Variants in HMCN2 observed in about 807,000 individuals in gnomAD.
HMCN2 encodes the protein hemicentin-2.
Under a neutral mutation model 377.5 loss-of-function variants are expected in HMCN2, and 325 were observed. That is an observed-to-expected ratio of 0.86 (90% confidence interval 0.79 to 0.94). The LOEUF is 0.94. Among genes scored for constraint, HMCN2 ranks in the 40% least tolerant of loss-of-function variants. HMCN2 has a pLI of 0.00. For synonymous variants in HMCN2, 2,007 were observed against 2,046.8 expected (o/e 0.98, Z 0.53); for missense variants, 4,543 against 4,725.3 (o/e 0.96, Z 1.13).
chr9:130,373,277 A>G (rs986629325), intron 48 of HMCN2, among the ~76,000 whole-genome samples, 153 bp downstream of exon 48: 17 of 152,058 alleles, frequency 1.1e-4, no homozygotes, highest in African/African-American at 3.6e-4. Flanking sequence ...GTCCCAGCTC[A>G]TCTTTGCATG....
Position 130,310,332 on chromosome 9 carries a change from C to T in HMCN2, c.2350+271C>T, listed in dbSNP as rs545983026. On this transcript the variant is annotated intron_variant, in intron 15 of 97. Transcript: ENST00000683500. ...ATCAAGAATCTGAAAGTGGCTTGGC[C>T]GGGTGATTCTGGCTCAGGGTCCATC... is the stretch of plus-strand genomic sequence containing the variant. 7.2e-5 allele frequency among the ~76,000 whole-genome samples: 11 copies of T among 152,302 alleles called. No homozygotes were observed. In the East Asian group the frequency reaches 1.5e-3, roughly 21 times the overall value.
At chr9:130,424,538 G>A (rs1421003078) in intron 87 of HMCN2, among the ~76,000 whole-genome samples, 3 of 152,088 alleles carry the variant, frequency 2.0e-5, no homozygotes, top group African/African-American at 7.2e-5. Context: ...ATGTCGCCTA[G>A]CATTTCCTTG....
At chr9:130,373,164 G>T in intron 48 of HMCN2, 40 bp downstream of exon 48, 1 of 810,428 alleles carries the variant, frequency 1.2e-6, no homozygotes, top group Non-Finnish European at 1.5e-6. Flanking sequence ...AGAAGGGGCG[G>T]GAAGGCACCT....
chr9:130,411,222 A>C (rs1385773234), intron 85 of HMCN2, among the ~76,000 whole-genome samples: 4 of 151,836 alleles, frequency 2.6e-5, no homozygotes, highest in African/African-American at 7.3e-5. Context: ...TTAAAAAAAA[A>C]AACAACAAAC....
intron 25 of HMCN2, among the ~76,000 whole-genome samples, chr9:130,342,922 C>T (rs1481518861): frequency 6.6e-6 from 1 of 152,158 alleles, no homozygotes; most frequent in Non-Finnish European, 1.5e-5. Context: ...CGATAGCCAC[C>T]ATGGGTCAGC....
chr9:130,402,467 A>G (rs192327371), intron 77 of HMCN2, among the ~76,000 whole-genome samples: 1 of 152,240 alleles, frequency 6.6e-6, no homozygotes, highest in African/African-American at 2.4e-5. Context: ...TGAGTGGGGG[A>G]TTACAGGCAG....
At chr9:130,310,267 G>T (rs782775389) in intron 15 of HMCN2, among the ~76,000 whole-genome samples, 1 of 152,238 alleles carries the variant, frequency 6.6e-6, no homozygotes, top group Non-Finnish European at 1.5e-5. Context: ...CCCCCAAATT[G>T]TGTGGCTTAA....
At chr9:130,420,713 T>C (rs1255342215) in intron 86 of HMCN2, among the ~76,000 whole-genome samples, 1 of 152,108 alleles carries the variant, frequency 6.6e-6, no homozygotes, top group African/African-American at 2.4e-5. Flanking sequence ...CCTGTGTGTG[T>C]CTACACTTCC....
At chr9:130,332,551 G>C (rs1334661889) in intron 22 of HMCN2, among the ~76,000 whole-genome samples, 1 of 152,160 alleles carries the variant, frequency 6.6e-6, no homozygotes, top group African/African-American at 2.4e-5. Context: ...ATCCTCGTTA[G>C]CAGCACCAGC....
In HMCN2 at chr9:130,362,765, C is replaced by T. The variant is rs184510684; in HGVS notation, c.6109-102C>T. On this transcript the variant is annotated intron_variant, in intron 39 of 97. Coordinates refer to ENST00000683500, the MANE Select transcript of HMCN2 (RefSeq NM_001291815.2). ...CTGAGTCTGGGGCAGGCTGTCCAGG[C>T]GTGCTCGGCAGCAAGGCCGGCTTGG... 445 of 892,276 alleles carry T rather than the reference C, an allele frequency of 5.0e-4. 5 individuals are homozygous for T. The African/African-American group carries it at 7.1e-3, about 14-fold the overall frequency. The allele number at this position is 892,276 out of a possible 1,614,324, so 55.3% of individuals were successfully genotyped here.
At chr9:130,322,816 C>T (rs1165055598) in intron 19 of HMCN2, among the ~76,000 whole-genome samples, 1 of 152,172 alleles carries the variant, frequency 6.6e-6, no homozygotes, top group East Asian at 1.9e-4. Context: ...AACCACTGTG[C>T]TTTTTAATGT....
In HMCN2 at chr9:130,360,751, ACCATCCATCCATCCATCCAT is replaced by A. The variant is rs199552416; in HGVS notation, c.5950+166_5950+185del. On this transcript the variant is annotated intron_variant, in intron 38 of 97. Transcript: ENST00000683500. This position sits in a 1 kb window ranked among gnomAD's most constrained non-coding sequence, Gnocchi z 4.7. The stretch of plus-strand genomic sequence containing the variant: ...ACCCCATCCATCCATCATCCATCCA[ACCATCCATCCATCCATCCAT>A]CCATCCATCCATCCATCCCACCCAT... 4.7e-4 allele frequency: 132 copies of A among 282,484 alleles called. No homozygotes were observed. Among genetic ancestry groups the A allele is most frequent in the African/African-American group, 3.0e-3 (125 of 42,104 alleles). The allele number at this position is 282,484 out of a possible 1,614,324, so 17.5% of individuals were successfully genotyped here.
In HMCN2 at chr9:130,425,617, C is replaced by T. The variant is rs1844291408; in HGVS notation, c.13642-70C>T. 39 of 1,096,156 alleles carry T rather than the reference C, an allele frequency of 3.6e-5. 1 individual carries two copies. The South Asian group carries it at 5.3e-4, about 15-fold the overall frequency. 67.9% of individuals were successfully genotyped at this position (1,096,156 alleles called of 1,614,324 possible). ...TGAAATCTCAGCATTTTCCTCCTCC[C>T]CTTCCAACCCTGACCCCTTTCTCCC... On this transcript the variant is annotated intron_variant, in intron 89 of 97. Coordinates refer to ENST00000683500, the MANE Select transcript of HMCN2 (RefSeq NM_001291815.2).
At chr9:130,412,091 C>A (rs1564870619) in intron 85 of HMCN2, among the ~76,000 whole-genome samples, 1 of 152,204 alleles carries the variant, frequency 6.6e-6, no homozygotes, top group South Asian at 2.1e-4. Context: ...CCTGCCTCAG[C>A]CTCCTGAGTG....
intron 5 of HMCN2, 23 bp downstream of exon 5, chr9:130,295,049 C>T: frequency 2.3e-6 from 1 of 435,534 alleles, no homozygotes; most frequent in Non-Finnish European, 4.8e-6. Context: ...CCGGGGCTGG[C>T]CTCCTCTTTG....
chr9:130,378,638 G>A (rs952229377), intron 53 of HMCN2, among the ~76,000 whole-genome samples: 21 of 151,986 alleles, frequency 1.4e-4, no homozygotes, highest in East Asian at 5.8e-4. Flanking sequence ...CAAGCTGGGC[G>A]ATGGATAAGT....
intron 25 of HMCN2, among the ~76,000 whole-genome samples, chr9:130,346,334 C>G (rs946235779): frequency 2.0e-5 from 3 of 152,150 alleles, no homozygotes; most frequent in Non-Finnish European, 2.9e-5. Flanking sequence ...CCTTGGGGCC[C>G]GTGAATGAAA....
intron 74 of HMCN2, 33 bp from the exon 75 acceptor site, chr9:130,398,518 G>A: frequency 4.3e-6 from 5 of 1,155,992 alleles, no homozygotes; most frequent in Non-Finnish European, 5.5e-6. Flanking sequence ...TGTGCCCCCT[G>A]CACCTGTCTC....
In HMCN2 at chr9:130,273,031, C is replaced by G. The variant is rs1014266186; in HGVS notation, c.259+6894C>G. Among the ~76,000 whole-genome samples the G allele has an allele frequency of 3.9e-5, 6 of 152,118 alleles. No individual in the cohort carries two copies. The East Asian group carries it at 1.2e-3, about 29-fold the overall frequency. On this transcript the variant is annotated intron_variant, in intron 1 of 97. Transcript: ENST00000683500. ...GAAGAGTTATCATTTTCAAAAAACT[C>G]TATTGTTCTCATCCATCAGACATGC... is the stretch of plus-strand genomic sequence containing the variant.
Sources: gnomAD v4.1 joint callset for allele counts (sites outside exome capture counted in the v4.1 genomes callset) on GRCh38, gnomAD v4.1.1 for gene constraint, Gnocchi (gnomAD v3.1) non-coding constraint, MANE v1.5 for transcripts, NCBI Gene and HGNC (gene_info 2026-07-23, HGNC 2026-07-21) for gene names.